The following PCDHA2 variants were observed in gnomAD, a reference collection of about 807,000 sequenced individuals.
The protein encoded by PCDHA2 is protocadherin alpha-2.
PCDHA2 carries 58 observed loss-of-function variants against 66.0 expected under a neutral mutation model. The ratio of observed to expected loss-of-function variants is 0.88; its 90% CI spans 0.71 to 1.09. The LOEUF is 1.09. Ranked by LOEUF, PCDHA2 falls within the 50% of genes least tolerant of loss-of-function variation. PCDHA2 has a pLI of 0.00. For synonymous variants in PCDHA2, 634 were observed against 554.0 expected, an observed-to-expected ratio of 1.14 and a Z score of -2.03; for missense variants, 1,267 against 1,242.3, an observed-to-expected ratio of 1.02 and a Z score of -0.30.
chr5:140,887,125 C>A (rs1391575318), intron 1 of PCDHA2, among the ~76,000 whole-genome samples: 1 of 150,082 alleles, frequency 6.7e-6, no homozygotes, highest in East Asian at 2.0e-4. Context: ...GAGACGGAGT[C>A]TCACTCTGTC....
In PCDHA2 at chr5:140,850,252, G is replaced by GCGC. The variant is rs2150475866; in HGVS notation, c.2388+52903_2388+52905dup. ...AGCGAGATGGTGCTGCGGTCGGTGG[G>GCGC]CGCCGGCGTAGTGGTGGGGAAGGTG... is the stretch of plus-strand genomic sequence containing the variant. On this transcript the variant is annotated intron_variant, in intron 1 of 3. Coordinates refer to ENST00000526136, the MANE Select transcript of PCDHA2 (RefSeq NM_018905.3). 12 of 1,593,714 alleles carry GCGC rather than the reference G, an allele frequency of 7.5e-6. No homozygotes were observed. The East Asian group carries it at 2.7e-4, about 36-fold the overall frequency.
chr5:140,851,517 A>C (rs1290684198), intron 1 of PCDHA2: 5 of 904,746 alleles, frequency 5.5e-6, no homozygotes, highest in Non-Finnish European at 4.0e-6. Flanking sequence ...AATATGTTTT[A>C]AAATGCCTGA....
Position 140,795,210 on chromosome 5 carries a change from C to T in PCDHA2, c.246C>T (p.Gly82=). 6 of 1,614,208 alleles carry T rather than the reference C, an allele frequency of 3.7e-6. No homozygotes were observed. Among genetic ancestry groups the T allele is most frequent in the Non-Finnish European group, 5.1e-6 (6 of 1,180,040 alleles). ...TTCTGGAGGTAAATCTGCAGAATGG[C>T]ATTTTGTTTGTGAATTCTCGGATCG... The part of the protein sequence containing the change: ...GDLLEVNLQN[G]ILFVNSRIDR... Residue 82 remains glycine (G), a synonymous_variant, in exon 1 of 4, where the codon GGC becomes GGT. Transcript: ENST00000526136.
At chr5:140,940,776 T>A (rs2092683795) in intron 1 of PCDHA2, among the ~76,000 whole-genome samples, 1 of 152,222 alleles carries the variant, frequency 6.6e-6, no homozygotes, top group African/African-American at 2.4e-5. Flanking sequence ...CTTTTGATGG[T>A]CCATATCCTG....
At chr5:140,860,165 G>T (rs1045558132) in intron 1 of PCDHA2, 2 of 147,750 alleles carry the variant, frequency 1.4e-5, no homozygotes, top group Admixed American at 1.4e-4. Flanking sequence ...ATATATATAT[G>T]TATATATATA....
chr5:140,864,689 C>A (rs970922865), intron 1 of PCDHA2: 4 of 152,202 alleles, frequency 2.6e-5, no homozygotes, highest in African/African-American at 7.2e-5. Context: ...TGCTGTCCTC[C>A]AGTTTAAGTT....
At chr5:140,836,601 G>A (rs1774608551) in intron 1 of PCDHA2, 1 of 1,613,748 alleles carries the variant, frequency 6.2e-7, no homozygotes, top group Non-Finnish European at 8.5e-7. Context: ...GCCCACTCTG[G>A]TGTGCTCCAG....
intron 3 of PCDHA2, among the ~76,000 whole-genome samples, chr5:140,987,130 C>G (rs1220504537): frequency 6.6e-6 from 1 of 151,648 alleles, no homozygotes; most frequent in East Asian, 1.9e-4. Context: ...AGGAGAATTG[C>G]TTGAACTCGG....
At chr5:140,840,534 A>G (rs1554137817) in intron 1 of PCDHA2, among the ~76,000 whole-genome samples, 1 of 152,088 alleles carries the variant, frequency 6.6e-6, no homozygotes, top group East Asian at 1.9e-4. Flanking sequence ...TGAAGAACTA[A>G]CAAGCCAATG....
At chr5:140,953,996 T>C (rs989520486) in intron 1 of PCDHA2, among the ~76,000 whole-genome samples, 1 of 152,158 alleles carries the variant, frequency 6.6e-6, no homozygotes, top group African/African-American at 2.4e-5. Context: ...TCATGTGTAC[T>C]CATCATTCAG....
intron 1 of PCDHA2, among the ~76,000 whole-genome samples, chr5:140,964,925 T>C (rs1586044682): frequency 6.6e-6 from 1 of 152,148 alleles, no homozygotes; most frequent in African/African-American, 2.4e-5. Flanking sequence ...ACTGGCTAGG[T>C]AGTGGAGCAT....
chr5:140,816,449 A>T (rs1233984451), intron 1 of PCDHA2: 1 of 152,008 alleles, frequency 6.6e-6, no homozygotes, highest in African/African-American at 2.4e-5. Context: ...TATTTTGAAT[A>T]CTTTGTCAAG....
intron 1 of PCDHA2, among the ~76,000 whole-genome samples, chr5:140,878,538 C>T (rs1001402199): frequency 3.9e-5 from 6 of 152,088 alleles, no homozygotes; most frequent in Non-Finnish European, 7.4e-5. Context: ...TGGCTCAAAC[C>T]AGTTTCAGAT....
intron 1 of PCDHA2, among the ~76,000 whole-genome samples, chr5:140,893,161 G>A (rs2063850346): frequency 6.6e-6 from 1 of 152,160 alleles, no homozygotes; most frequent in African/African-American, 2.4e-5. Context: ...TGGATATTGA[G>A]GTTGATTCCA....
At chr5:140,847,990 T>C (rs1781276116) in intron 1 of PCDHA2, 1 of 156,442 alleles carries the variant, frequency 6.4e-6, no homozygotes, top group South Asian at 1.8e-4. Flanking sequence ...AGATTCTGAA[T>C]TCCAGAACAA....
chr5:140,882,859 GA>G (rs1554175853), intron 1 of PCDHA2: 4 of 1,614,192 alleles, frequency 2.5e-6, no homozygotes, highest in Non-Finnish European at 3.4e-6. Flanking sequence ...TTGTACTGAG[GA>G]AAACACTGGA....
chr5:140,834,554 G>C, intron 1 of PCDHA2: 2 of 1,614,092 alleles, frequency 1.2e-6, no homozygotes, highest in South Asian at 2.2e-5. Flanking sequence ...TGGAGCTGGC[G>C]GAGCTGGTGC....
At chr5:140,932,880 AT>A (rs1219080024) in intron 1 of PCDHA2, among the ~76,000 whole-genome samples, 2 of 151,952 alleles carry the variant, frequency 1.3e-5, no homozygotes, top group Non-Finnish European at 2.9e-5. Context: ...TGTCTTCAAT[AT>A]TTTCAGTTAG....
At chr5:140,927,505 G>T (rs782722913) in intron 1 of PCDHA2, 1 of 1,614,120 alleles carries the variant, frequency 6.2e-7, no homozygotes, top group East Asian at 2.2e-5. Flanking sequence ...GGTGCTTACA[G>T]CTCGGGACGG....
Sources: allele counts gnomAD v4.1 joint callset (sites outside exome capture counted in the v4.1 genomes callset), GRCh38; gene constraint gnomAD v4.1.1; transcripts MANE v1.5; gene names NCBI Gene and HGNC (gene_info 2026-07-23, HGNC 2026-07-21).